RIMS2: variants seen among roughly 807,000 people sequenced by gnomAD.
RIMS2 encodes regulating synaptic membrane exocytosis 2, also known as regulating synaptic membrane exocytosis protein 2.
A neutral mutation model predicts 174.4 loss-of-function variants in RIMS2; 59 were observed. That is an observed-to-expected ratio of 0.34 (90% CI 0.27 to 0.42). The LOEUF is 0.42. RIMS2 is among the 10% of genes least tolerant of loss of function. RIMS2 has a pLI of 1.00. For missense variants in RIMS2, 1,620 were observed against 1,666.3 expected, an observed-to-expected ratio of 0.97 and a Z score of 0.48; for synonymous variants, 606 against 572.5, an observed-to-expected ratio of 1.06 and a Z score of -0.84.
At chr8:104,040,856 A>G (rs2096596791) in intron 19 of RIMS2, among the ~76,000 whole-genome samples, 1 of 151,766 alleles carries the variant, frequency 6.6e-6, no homozygotes, top group Non-Finnish European at 1.5e-5. Flanking sequence ...AGGAATAGAA[A>G]TCTGTTGAAA....
chr8:104,056,784 C>T (rs572212516), intron 19 of RIMS2, among the ~76,000 whole-genome samples: 1 of 152,236 alleles, frequency 6.6e-6, no homozygotes, highest in South Asian at 2.1e-4. Context: ...ACTTGCAAGG[C>T]TGAGGCAGGA....
At chr8:104,035,846 T>G (rs2096502140) in intron 19 of RIMS2, among the ~76,000 whole-genome samples, 1 of 152,110 alleles carries the variant, frequency 6.6e-6, no homozygotes, top group African/African-American at 2.4e-5. Flanking sequence ...TAAACATATT[T>G]TATTCTTAAT....
chr8:104,232,444 C>A (rs1055747300), intron 19 of RIMS2, among the ~76,000 whole-genome samples: 2 of 152,182 alleles, frequency 1.3e-5, no homozygotes, highest in African/African-American at 4.8e-5. Flanking sequence ...CAGTTGCAAT[C>A]AACAGAAATC....
At chr8:104,056,443 A>G (rs2154559571) in intron 19 of RIMS2, among the ~76,000 whole-genome samples, 1 of 152,246 alleles carries the variant, frequency 6.6e-6, no homozygotes, top group African/African-American at 2.4e-5. Context: ...GGAATTATAA[A>G]GAGTATCTGG....
intron 19 of RIMS2, among the ~76,000 whole-genome samples, chr8:104,030,347 T>C (rs2096363089): frequency 6.6e-6 from 1 of 152,090 alleles, no homozygotes; most frequent in South Asian, 2.1e-4. Flanking sequence ...AAAAATCAAA[T>C]ATATATAATT....
In RIMS2 at chr8:103,606,952, T is replaced by C. The variant is rs556341375; in HGVS notation, c.177-90134T>C. Among the ~76,000 whole-genome samples the C allele has an allele frequency of 4.2e-3, 633 of 152,222 alleles. 3 individuals carry two copies. Among genetic ancestry groups the C allele is most frequent in the African/African-American group, 0.015 (603 of 41,510 alleles). On this transcript the variant is annotated intron_variant, in intron 1 of 23. Transcript: ENST00000504942. ...CACACTGATGAGTCTTGACTCTTTA[T>C]CCAATTTGCCAGTCTGTGTCTTTTA... is the stretch of plus-strand genomic sequence containing the variant.
chr8:103,938,489 G>A (rs972313272), intron 13 of RIMS2, among the ~76,000 whole-genome samples: 6 of 152,170 alleles, frequency 3.9e-5, no homozygotes, highest in East Asian at 1.9e-4. Context: ...TCCTTCCCAC[G>A]ACACATGGGA....
At chr8:103,979,822 T>C (rs1217548399) in intron 16 of RIMS2, among the ~76,000 whole-genome samples, 1 of 152,130 alleles carries the variant, frequency 6.6e-6, no homozygotes, top group Non-Finnish European at 1.5e-5. Flanking sequence ...AACTCAGTGT[T>C]GCCCTGTCAT....
Position 104,093,741 on chromosome 8 carries a change from A to T in RIMS2, c.3334+79126A>T, listed in dbSNP as rs78667892. On this transcript the variant is annotated intron_variant, in intron 19 of 23. Coordinates refer to ENST00000504942, the Ensembl canonical transcript of RIMS2. ...AATTATTTATTTCTAACAGGTTAAT[A>T]TATATTTTAAAGCCAGGGGAGCTTA... The T allele has an allele frequency of 3.2e-3, 3,030 of 943,256 alleles. 71 individuals are homozygous for T. In the African/African-American group the frequency reaches 0.046, roughly 14 times the overall value. The allele number at this position is 943,256 out of a possible 1,614,324, so 58.4% of individuals were successfully genotyped here. A position where few individuals can be genotyped will look rare whatever the true frequency, so the allele number is the denominator to read the frequency against.
intron 2 of RIMS2, among the ~76,000 whole-genome samples, chr8:103,741,704 G>A (rs536944224): frequency 2.0e-4 from 31 of 152,130 alleles, no homozygotes; most frequent in Admixed American, 8.5e-4. Flanking sequence ...CGTCCCTGCC[G>A]ATTACAGTTA....
At chr8:103,775,984 G>T (rs2098311784) in intron 3 of RIMS2, among the ~76,000 whole-genome samples, 1 of 152,126 alleles carries the variant, frequency 6.6e-6, no homozygotes. Context: ...AGCTTGCCTA[G>T]GACAGTCCCA....
intron 3 of RIMS2, among the ~76,000 whole-genome samples, chr8:103,820,249 C>T (rs1009961665): frequency 1.3e-5 from 2 of 152,024 alleles, no homozygotes; most frequent in African/African-American, 4.8e-5. Context: ...CAGATGGTTT[C>T]TCTGGCTTAC....
intron 1 of RIMS2, among the ~76,000 whole-genome samples, chr8:103,622,928 A>G (rs1475729384): frequency 6.6e-6 from 1 of 152,246 alleles, no homozygotes; most frequent in African/African-American, 2.4e-5. Context: ...ATTTATTCTG[A>G]ACAGGATGGC....
At position 103,594,811 on chromosome 8, in the gene RIMS2, C is replaced by T. The variant is rs144616372; in HGVS notation, c.176+93749C>T. On this transcript the variant is annotated intron_variant, in intron 1 of 23. Transcript: ENST00000504942. ...TGGCTTCAAATCTTTAGATGTGTTT[C>T]TAAGTTGCCTAACCTTCATTTACAA... is the stretch of plus-strand genomic sequence containing the variant. Among the ~76,000 whole-genome samples the T allele has an allele frequency of 6.2e-3, 939 of 151,868 alleles. 12 individuals carry two copies. Among genetic ancestry groups the T allele is most frequent in the African/African-American group, 0.021 (889 of 41,528 alleles).
chr8:103,866,237 C>T (rs1420398333), intron 3 of RIMS2, among the ~76,000 whole-genome samples: 2 of 152,094 alleles, frequency 1.3e-5, no homozygotes, highest in Non-Finnish European at 2.9e-5. Context: ...AATGTAGCAG[C>T]AGAAAGTGAG....
At chr8:104,188,594 G>T (rs1391288241) in intron 19 of RIMS2, among the ~76,000 whole-genome samples, 1 of 151,686 alleles carries the variant, frequency 6.6e-6, no homozygotes, top group Non-Finnish European at 1.5e-5. Context: ...TTTTGTAGTA[G>T]GCATTGTGCA....
rs1238011718 is a variant in RIMS2, at chr8:104,048,210, A to G, written c.3334+33595A>G. Among the ~76,000 whole-genome samples, 3 of 152,192 alleles carry G rather than the reference A, an allele frequency of 2.0e-5. No homozygotes were observed. In the East Asian group the frequency reaches 5.8e-4, roughly 29 times the overall value. On this transcript the variant is annotated intron_variant, in intron 19 of 23. Transcript: ENST00000504942. ...CTCAGATAAAATATTAAAAGCCTTA[A>G]CATCTGAATAACTTTTACAAAGTAT...
At chr8:103,936,518 T>C (rs2081283731) in intron 12 of RIMS2, 33 bp from the exon 15 acceptor site, 2 of 1,401,124 alleles carry the variant, frequency 1.4e-6, no homozygotes, top group Non-Finnish European at 9.7e-7. Context: ...TATAGTTCTA[T>C]GTAAGTTCAT....
chr8:103,862,198 A>G (rs1206396088), intron 3 of RIMS2, among the ~76,000 whole-genome samples: 2 of 152,134 alleles, frequency 1.3e-5, no homozygotes, highest in South Asian at 2.1e-4. Context: ...TAATGTGGTT[A>G]TCCAATTTTT....
Sources: allele counts gnomAD v4.1 joint callset (sites outside exome capture counted in the v4.1 genomes callset), GRCh38; gene constraint gnomAD v4.1.1; transcripts MANE v1.5; gene names NCBI Gene and HGNC (gene_info 2026-07-23, HGNC 2026-07-21).